MAP6: variants seen among roughly 807,000 people sequenced by gnomAD.
MAP6 encodes the protein microtubule-associated protein 6.
Under a neutral mutation model 42.4 loss-of-function variants are expected in MAP6, and 26 were observed. The observed-to-expected ratio is 0.61, with a 90% CI of 0.45 to 0.85. The LOEUF is 0.85. MAP6 is among the 40% of genes least tolerant of loss of function. The pLI is 0.00. For synonymous variants in MAP6, 418 were observed against 443.8 expected (o/e 0.94, Z 0.73); for missense variants, 966 against 1,099.0 (o/e 0.88, Z 1.71).
chr11:75,653,324 G>A (rs1188094016), intron 1 of MAP6, among the ~76,000 whole-genome samples: 5 of 152,148 alleles, frequency 3.3e-5, no homozygotes, highest in African/African-American at 1.2e-4. Flanking sequence ...CCAAATCCTC[G>A]GGAGGAGTCC....
chr11:75,612,715 C>T (rs547697689), intron 1 of MAP6, among the ~76,000 whole-genome samples: 2 of 152,296 alleles, frequency 1.3e-5, no homozygotes, highest in South Asian at 2.1e-4. Flanking sequence ...CTGAAAGTTT[C>T]TGAGCGAAGC....
In MAP6 at chr11:75,605,858, G is replaced by A. The variant is rs778742225; in HGVS notation, c.1266C>T (p.Asp422=). 58 of 1,613,938 alleles carry A rather than the reference G, an allele frequency of 3.6e-5. No homozygotes were observed. Among genetic ancestry groups the A allele is most frequent in the East Asian group, 2.9e-4 (13 of 44,886 alleles). The change falls in exon 3 of 4, where the codon GAC becomes GAT. Residue 422 remains aspartate (D), a synonymous_variant. Coordinates refer to ENST00000304771, the MANE Select transcript of MAP6 (RefSeq NM_033063.2). The part of the protein sequence containing the change: ...SAEGPSTTKP[D]DKEQSKEMNN... ...TCATCTCTTTGCTTTGCTCCTTGTC[G>A]TCTGGCTTGGTGGTACTCGGGCCCT...
At chr11:75,589,931 C>T (rs1272479533) in intron 3 of MAP6, among the ~76,000 whole-genome samples, 1 of 152,164 alleles carries the variant, frequency 6.6e-6, no homozygotes, top group Non-Finnish European at 1.5e-5. Context: ...ACTGGTATTT[C>T]TCAGCAGAGT....
intron 1 of MAP6, among the ~76,000 whole-genome samples, chr11:75,610,873 C>T (rs867443537): frequency 5.9e-5 from 9 of 151,996 alleles, no homozygotes; most frequent in African/African-American, 1.2e-4. Context: ...CCCACTGAGA[C>T]GTGGAAATTG....
chr11:75,621,391 G>T (rs1031623832), intron 1 of MAP6, among the ~76,000 whole-genome samples: 1 of 152,062 alleles, frequency 6.6e-6, no homozygotes, highest in Non-Finnish European at 1.5e-5. Context: ...ACTTACTAGA[G>T]GATATCTACA....
At chr11:75,604,891 C>A in intron 3 of MAP6, 1 of 985,500 alleles carries the variant, frequency 1.0e-6, no homozygotes, top group Non-Finnish European at 1.2e-6. Flanking sequence ...CATCGCCACA[C>A]TTGCCACTAC....
intron 1 of MAP6, among the ~76,000 whole-genome samples, chr11:75,614,197 T>C (rs1286208404): frequency 6.6e-6 from 1 of 152,198 alleles, no homozygotes; most frequent in African/African-American, 2.4e-5. Flanking sequence ...GTAAGTCTCA[T>C]CATGTCTACG....
In MAP6 at chr11:75,652,836, G is replaced by GAA. The variant is rs560714756; in HGVS notation, c.905+14627_905+14628dup. Among the ~76,000 whole-genome samples, 49 of 101,338 alleles carry GAA rather than the reference G, an allele frequency of 4.8e-4. 1 individual carries two copies. Among genetic ancestry groups the GAA allele is most frequent in the East Asian group, 5.3e-4 (2 of 3,792 alleles). 66.5% of individuals were successfully genotyped at this position (101,338 alleles called of 152,430 possible). ...CCTGGGCGATTGAGACTCCATCTCAGAAAAAAAAAAAAAAAGAAGAAAAAA... is the reference window on the plus strand; with the variant it reads ...CCTGGGCGATTGAGACTCCATCTCAGAAAAAAAAAAAAAAAAAGAAGAAAAAA... On this transcript the variant is annotated intron_variant, in intron 1 of 3. Transcript: ENST00000304771.
At chr11:75,645,857 C>G (rs978813277) in intron 1 of MAP6, among the ~76,000 whole-genome samples, 1 of 150,974 alleles carries the variant, frequency 6.6e-6, no homozygotes, top group African/African-American at 2.4e-5. Context: ...GAATGAAGCA[C>G]AAATAGATAA....
At chr11:75,591,291 A>C (rs1466517837) in intron 3 of MAP6, among the ~76,000 whole-genome samples, 1 of 152,190 alleles carries the variant, frequency 6.6e-6, no homozygotes, top group Non-Finnish European at 1.5e-5. Flanking sequence ...CCTCCTTAAA[A>C]GAGATTGTTA....
chr11:75,638,287 T>C (rs557100432), intron 1 of MAP6, among the ~76,000 whole-genome samples: 2 of 152,314 alleles, frequency 1.3e-5, no homozygotes, highest in South Asian at 4.1e-4. Context: ...ATCTAGACAA[T>C]GGATGAATCT....
chr11:75,666,680 C>T (rs1943953533), intron 1 of MAP6, among the ~76,000 whole-genome samples: 1 of 152,226 alleles, frequency 6.6e-6, no homozygotes, highest in Non-Finnish European at 1.5e-5. Flanking sequence ...GTCCGGCACA[C>T]TGCCTGGCAT....
At chr11:75,614,697 C>T (rs974768159) in intron 1 of MAP6, among the ~76,000 whole-genome samples, 4 of 152,194 alleles carry the variant, frequency 2.6e-5, no homozygotes, top group Non-Finnish European at 4.4e-5. Flanking sequence ...GATTACTGAC[C>T]CTCAGAAACT....
intron 3 of MAP6, chr11:75,604,550 ATAT>A (rs1488668939): frequency 2.0e-6 from 2 of 985,308 alleles, no homozygotes; most frequent in East Asian, 2.3e-4. Flanking sequence ...ATATTGGCAA[ATAT>A]TATTTTTCTG....
chr11:75,661,178 G>A (rs149914380), intron 1 of MAP6, among the ~76,000 whole-genome samples: 11 of 151,926 alleles, frequency 7.2e-5, no homozygotes, highest in Non-Finnish European at 1.6e-4. Flanking sequence ...ACCTGAATAA[G>A]TGAATCAGTA....
chr11:75,658,004 G>A (rs1943779550), intron 1 of MAP6, among the ~76,000 whole-genome samples: 1 of 152,104 alleles, frequency 6.6e-6, no homozygotes, highest in Non-Finnish European at 1.5e-5. Context: ...TTGCAGGGGG[G>A]ATTATTCTGC....
rs1379066611 is a variant in MAP6, at chr11:75,667,825, G to A, written c.545C>T (p.Ala182Val). 4 of 1,339,366 alleles carry A rather than the reference G, an allele frequency of 3.0e-6. No individual in the cohort carries two copies. Among genetic ancestry groups the A allele is most frequent in the Non-Finnish European group, 3.8e-6 (4 of 1,043,866 alleles). 83.0% of individuals were successfully genotyped at this position (1,339,366 alleles called of 1,614,324 possible). The change falls in exon 1 of 4, where the codon GCG becomes GTG. Residue 182 changes from alanine to valine, a missense_variant. Around this residue, in one of 2 missense-constraint regions of MAP6, gnomAD observed 943 missense variants for 1,049.9 expected, o/e 0.90. Coordinates refer to ENST00000304771, the MANE Select transcript of MAP6 (RefSeq NM_033063.2). This position sits in a 1 kb window ranked among gnomAD's most constrained non-coding sequence, Gnocchi z 5.6. ...AATGGGCGCCGACGCCTGGGAGGCC[G>A]CAGAGATCTGCACGGGCTTGGGGAT... is the stretch of plus-strand genomic sequence containing the variant. ...PWIPKPVQIS[A>V]ASQASAPILG...
intron 3 of MAP6, among the ~76,000 whole-genome samples, chr11:75,591,681 C>T (rs12287188): frequency 0.033 from 4,981 of 152,286 alleles, 287 homozygotes; most frequent in African/African-American, 0.11. Context: ...GCATATGCCA[C>T]GGGCGCCTTC....
Position 75,668,194 on chromosome 11 carries a change from G to T in MAP6, c.176C>A (p.Pro59His). 1 of 1,251,842 alleles carries T rather than the reference G, an allele frequency of 8.0e-7. No individual in the cohort carries two copies. The highest frequency in any genetic ancestry group is 9.9e-7 in the Non-Finnish European group (1 of 1,006,106). The allele number at this position is 1,251,842 out of a possible 1,614,324, so 77.5% of individuals were successfully genotyped here. ...TATGGCAACCGCGCGCGCCGAGGGG[G>T]GCGCGAGCGCCGGCTGCGCCTGCTG... Reference protein sequence around the residue: ...PQQQAQPALAPPSARAVAIET... With the variant: ...PQQQAQPALAHPSARAVAIET... The change falls in exon 1 of 4, where the codon CCC (proline) becomes CAC (histidine). Residue 59 changes from proline (P) to histidine (H), a missense_variant. This residue lies in a region of MAP6 where 943 missense variants were observed against 1,049.9 expected (regional missense o/e 0.90). Coordinates refer to ENST00000304771, the MANE Select transcript of MAP6 (RefSeq NM_033063.2).
Sources: gnomAD v4.1 joint callset for allele counts (sites outside exome capture counted in the v4.1 genomes callset) on GRCh38, gnomAD v4.1.1 for gene constraint, gnomAD v4.1.1 regional missense constraint, Gnocchi (gnomAD v3.1) non-coding constraint, MANE v1.5 for transcripts, NCBI Gene and HGNC (gene_info 2026-07-23, HGNC 2026-07-21) for gene names.